The following DNAH7 variants were observed in gnomAD, a reference collection of about 807,000 sequenced individuals.
DNAH7 encodes the protein axonemal beta dynein heavy chain 7.
A neutral mutation model predicts 444.6 loss-of-function variants in DNAH7; 397 were observed. The ratio of observed to expected loss-of-function variants is 0.89; its 90% confidence interval spans 0.82 to 0.97. DNAH7 has a LOEUF of 0.97. Among genes scored for constraint, DNAH7 ranks in the 50% least tolerant of loss-of-function variants. The pLI is 0.00. For missense variants in DNAH7, 4,902 were observed against 4,800.8 expected (o/e 1.02, Z -0.62); for synonymous variants, 1,636 against 1,624.4 (o/e 1.01, Z -0.17).
chr2:196,004,629 T>C (rs1358224242), intron 10 of DNAH7, among the ~76,000 whole-genome samples: 1 of 152,006 alleles, frequency 6.6e-6, no homozygotes, highest in African/African-American at 2.4e-5. Flanking sequence ...AGAGGGAAAT[T>C]TTTAGCTGTA....
intron 9 of DNAH7, among the ~76,000 whole-genome samples, chr2:196,013,657 T>C (rs180676678): frequency 7.9e-5 from 12 of 152,332 alleles, no homozygotes; most frequent in African/African-American, 2.6e-4. Flanking sequence ...ATCTGAGTTA[T>C]AATGTACTCC....
chr2:195,875,912 A>G, intron 37 of DNAH7, 69 bp from the exon 38 acceptor site: 1 of 1,408,876 alleles, frequency 7.1e-7, no homozygotes, highest in Non-Finnish European at 9.5e-7. Flanking sequence ...TGTGTAAACA[A>G]TATTGAGGCA....
At chr2:195,894,223 A>G (rs748397476) in intron 30 of DNAH7, 2 of 152,168 alleles carry the variant, frequency 1.3e-5, no homozygotes, top group Non-Finnish European at 2.9e-5. Flanking sequence ...AATCACAGTG[A>G]CACCCAAGGA....
intron 58 of DNAH7, among the ~76,000 whole-genome samples, chr2:195,782,228 T>G (rs893567239): frequency 6.6e-6 from 1 of 152,234 alleles, no homozygotes; most frequent in Non-Finnish European, 1.5e-5. Context: ...TTTCTAATGT[T>G]GATTGTTCAA....
At chr2:195,863,596 A>G (rs1321637982) in intron 41 of DNAH7, among the ~76,000 whole-genome samples, 1 of 152,112 alleles carries the variant, frequency 6.6e-6, no homozygotes, top group Non-Finnish European at 1.5e-5. Flanking sequence ...TAATGGGAAG[A>G]GATTGGGGGC....
chr2:195,738,025 C>T lies in DNAH7; in HGVS notation c.11971G>A (p.Gly3991Ser). 6.2e-7 allele frequency: 1 copy of T among 1,613,986 alleles called. No individual in the cohort carries two copies. Residue 3991 changes from glycine to serine, a missense_variant, in exon 65 of 65, where the codon GGC becomes AGC. By Grantham distance (56) the Gly-to-Ser change is moderately conservative (BLOSUM62 0). Transcript: ENST00000312428. ...SERRGVLSTT[G>S]HSTNFVIAMT... is the part of the protein sequence containing the mutation. ...GCAATCACAAAATTCGTGGAATGGC[C>T]AGTGGTGGATAATACTCCTCTCCGC...
rs1452112644 is a variant in DNAH7, at chr2:195,756,194, G to T, written c.11525C>A (p.Pro3842Gln). Reference sequence around the variant, plus strand: ...ATAGCTGCCAAGTGGTTTAAGGCTTGGGTAGGATTTACCCATCCACATTTC... The same window carrying T: ...ATAGCTGCCAAGTGGTTTAAGGCTTTGGTAGGATTTACCCATCCACATTTC... ...IPEMWMGKSYPSLKPLGSYVN... is the reference protein window; with the variant it reads ...IPEMWMGKSYQSLKPLGSYVN... Residue 3842 changes from proline (P) to glutamine (Q), a missense_variant, in exon 62 of 65, where the codon CCA becomes CAA. By Grantham distance (76) the Pro-to-Gln change is moderately conservative. Transcript: ENST00000312428. The T allele has an allele frequency of 6.2e-7, 1 of 1,613,422 alleles. No homozygotes were observed. Among genetic ancestry groups the T allele is most frequent in the Admixed American group, 1.7e-5 (1 of 59,952 alleles).
chr2:196,044,707 G>C (rs999137912), intron 5 of DNAH7, among the ~76,000 whole-genome samples: 1 of 152,026 alleles, frequency 6.6e-6, no homozygotes, highest in African/African-American at 2.4e-5. Flanking sequence ...ATTAATTCAA[G>C]AAAAAGGATG....
intron 21 of DNAH7, among the ~76,000 whole-genome samples, chr2:195,929,872 G>A (rs535822484): frequency 1.7e-4 from 26 of 152,172 alleles, no homozygotes; most frequent in Non-Finnish European, 2.8e-4. Context: ...ATTGACAAGT[G>A]GAAACTAATT....
chr2:195,880,849 T>C (rs1701333166), intron 36 of DNAH7, among the ~76,000 whole-genome samples: 1 of 152,192 alleles, frequency 6.6e-6, no homozygotes, highest in African/African-American at 2.4e-5. Context: ...CTAGGCACTT[T>C]ATTGCCTGGG....
intron 63 of DNAH7, among the ~76,000 whole-genome samples, chr2:195,741,546 A>G (rs543838034): frequency 6.6e-6 from 1 of 152,374 alleles, no homozygotes; most frequent in African/African-American, 2.4e-5. Context: ...GTAACAGTAC[A>G]GATGTCAAGC....
chr2:195,849,138 T>C (rs1159785232), intron 46 of DNAH7, among the ~76,000 whole-genome samples: 1 of 152,224 alleles, frequency 6.6e-6, no homozygotes, highest in African/African-American at 2.4e-5. Context: ...TGAGTTATGT[T>C]ACTGTCACTA....
intron 61 of DNAH7, among the ~76,000 whole-genome samples, chr2:195,758,218 A>G (rs1694177183): frequency 1.3e-5 from 2 of 152,248 alleles, no homozygotes; most frequent in Admixed American, 1.3e-4. Flanking sequence ...CGGTATTCTT[A>G]TTGTGTTCAT....
chr2:196,019,000 CTT>C (rs1695200887), intron 9 of DNAH7, among the ~76,000 whole-genome samples, 168 bp downstream of exon 9: 1 of 152,104 alleles, frequency 6.6e-6, no homozygotes, highest in Admixed American at 6.6e-5. Flanking sequence ...GCAGTGTTCA[CTT>C]TTTGCTCTAT....
chr2:195,886,390 A>C, intron 33 of DNAH7, 118 bp from the exon 34 acceptor site: 1 of 899,508 alleles, frequency 1.1e-6, no homozygotes, highest in Admixed American at 2.8e-5. Context: ...TTTTAAATTC[A>C]TACTACCTAC....
At chr2:196,045,574 T>C (rs1300461262) in intron 5 of DNAH7, among the ~76,000 whole-genome samples, 1 of 151,826 alleles carries the variant, frequency 6.6e-6, no homozygotes, top group East Asian at 1.9e-4. Flanking sequence ...AAGGACTTGG[T>C]GGAACTGAAA....
chr2:195,755,166 T>C (rs1026524320), intron 62 of DNAH7, among the ~76,000 whole-genome samples: 6 of 152,234 alleles, frequency 3.9e-5, no homozygotes, highest in African/African-American at 1.4e-4. Flanking sequence ...CAGATGGTTA[T>C]GTTTTTCACT....
intron 17 of DNAH7, among the ~76,000 whole-genome samples, chr2:195,968,750 C>T (rs1250782026): frequency 6.6e-6 from 1 of 152,178 alleles, no homozygotes; most frequent in Non-Finnish European, 1.5e-5. Flanking sequence ...CTTAGGACTC[C>T]AGAGCACTTT....
chr2:195,988,445 C>T (rs1693074031), intron 12 of DNAH7, among the ~76,000 whole-genome samples: 2 of 151,736 alleles, frequency 1.3e-5, no homozygotes, highest in South Asian at 2.1e-4. Flanking sequence ...TTAAGGCTAC[C>T]TAGTTGTGTT....
Sources: gnomAD v4.1 joint callset for allele counts (sites outside exome capture counted in the v4.1 genomes callset) on GRCh38, gnomAD v4.1.1 for gene constraint, MANE v1.5 for transcripts, NCBI Gene and HGNC (gene_info 2026-07-23, HGNC 2026-07-21) for gene names.